Variants in DGKI observed in about 807,000 individuals in gnomAD.
DGKI encodes DAG kinase iota.
DGKI carries 55 observed loss-of-function variants against 147.5 expected under a neutral mutation model. The ratio of observed to expected loss-of-function variants is 0.37; its 90% CI spans 0.30 to 0.47. The LOEUF (loss-of-function observed/expected upper bound fraction) is 0.47. Among genes scored for constraint, DGKI ranks in the 20% least tolerant of loss-of-function variants. The probability of loss-of-function intolerance (pLI) is 1.00; values close to 1 mark genes in which losing one functional copy is unlikely to be tolerated. For synonymous variants in DGKI, 469 were observed against 477.1 expected (o/e 0.98, Z 0.22); for missense variants, 1,007 against 1,323.8 (o/e 0.76, Z 3.71).
chr7:137,492,009 G>A (rs1025065561), intron 21 of DGKI, among the ~76,000 whole-genome samples: 2 of 152,178 alleles, frequency 1.3e-5, no homozygotes, highest in African/African-American at 4.8e-5. Flanking sequence ...CCATGAAGCA[G>A]GGCAAAGCCA....
intron 8 of DGKI, among the ~76,000 whole-genome samples, chr7:137,617,754 C>T (rs1048366888): frequency 6.6e-6 from 1 of 151,866 alleles, no homozygotes; most frequent in Non-Finnish European, 1.5e-5. Flanking sequence ...TACTGTAATA[C>T]CGCAAGATGT....
At chr7:137,527,328 C>G (rs991418705) in intron 20 of DGKI, among the ~76,000 whole-genome samples, 2 of 152,080 alleles carry the variant, frequency 1.3e-5, no homozygotes, top group African/African-American at 4.8e-5. Flanking sequence ...ATAATAATAT[C>G]ATAGCTGAAG....
chr7:137,404,243 T>C (rs368600752), intron 30 of DGKI, among the ~76,000 whole-genome samples: 2 of 152,148 alleles, frequency 1.3e-5, no homozygotes, highest in African/African-American at 4.8e-5. Flanking sequence ...CAACTAAAGA[T>C]ATTAAAAAAC....
chr7:137,653,329 T>G (rs994651025), intron 5 of DGKI, among the ~76,000 whole-genome samples: 7 of 152,244 alleles, frequency 4.6e-5, no homozygotes, highest in African/African-American at 7.2e-5. Context: ...GAAAGTTGTC[T>G]CTATGCCTCC....
At chr7:137,484,128 T>C (rs972947573) in intron 23 of DGKI, among the ~76,000 whole-genome samples, 12 of 152,038 alleles carry the variant, frequency 7.9e-5, no homozygotes, top group South Asian at 6.2e-4. Context: ...TCTGGAAGTG[T>C]GGGATACGTT....
chr7:137,643,504 C>T (rs530206877), intron 6 of DGKI, among the ~76,000 whole-genome samples: 1 of 152,204 alleles, frequency 6.6e-6, no homozygotes, highest in Admixed American at 6.5e-5. Flanking sequence ...CCCACCCATC[C>T]CATAATTGTT....
intron 1 of DGKI, among the ~76,000 whole-genome samples, chr7:137,787,024 A>G (rs1477992080): frequency 6.6e-6 from 1 of 152,234 alleles, no homozygotes; most frequent in Non-Finnish European, 1.5e-5. Flanking sequence ...TAAAGATTAT[A>G]GAAGACAACA....
chr7:137,811,507 G>C (rs1325196929), intron 1 of DGKI, among the ~76,000 whole-genome samples: 2 of 151,880 alleles, frequency 1.3e-5, no homozygotes, highest in Non-Finnish European at 2.9e-5. Flanking sequence ...CCATTAGAAA[G>C]ACAGAGAATT....
intron 3 of DGKI, among the ~76,000 whole-genome samples, chr7:137,661,452 A>C (rs918940359): frequency 2.0e-5 from 3 of 152,092 alleles, no homozygotes; most frequent in Non-Finnish European, 4.4e-5. Context: ...CTGTGAGTGC[A>C]TAAGGGGGCA....
chr7:137,843,498 G>C (rs1329370775), intron 1 of DGKI: 2 of 911,508 alleles, frequency 2.2e-6, no homozygotes, highest in African/African-American at 3.6e-5. Flanking sequence ...GGGAAAAATG[G>C]TTCTCAAAAA....
intron 5 of DGKI, among the ~76,000 whole-genome samples, chr7:137,654,058 C>T (rs191645020): frequency 2.6e-5 from 4 of 152,338 alleles, no homozygotes; most frequent in African/African-American, 7.2e-5. Flanking sequence ...GCTGTCTCCT[C>T]TTGTCATACC....
intron 28 of DGKI, among the ~76,000 whole-genome samples, chr7:137,441,542 AAAAC>A (rs749377470): frequency 6.6e-6 from 1 of 152,200 alleles, no homozygotes; most frequent in Non-Finnish European, 1.5e-5. Context: ...CAAGGAAAAG[AAAAC>A]AAACAAGATA....
At chr7:137,548,010 A>G (rs143503880) in intron 20 of DGKI, among the ~76,000 whole-genome samples, 78 of 152,300 alleles carry the variant, frequency 5.1e-4, no homozygotes, top group African/African-American at 1.8e-3. Flanking sequence ...AACAAAGAGC[A>G]AAGAGAATGA....
rs1265471269 is a variant in DGKI at position 137,781,224 on chromosome 7, G to A, written c.401+65238C>T. 3.4e-4 allele frequency among the ~76,000 whole-genome samples: 51 copies of A among 152,162 alleles called. 1 individual carries two copies. The highest frequency in any genetic ancestry group is 3.3e-3 in the Admixed American group (51 of 15,274). On this transcript the variant is annotated intron_variant, in intron 1 of 32. Coordinates refer to ENST00000614521, the MANE Select transcript of DGKI (RefSeq NM_001321708.2). ...TACTCAAAAGGCATAGCAGAAATTA[G>A]CTGGAGGTGTGGCCAGGAGCCTAAG...
rs143989064 is a variant in DGKI at position 137,659,649 on chromosome 7, G to T, written c.607-3109C>A. ...AAAAGTCACTTAAAAGCATTCAGTA[G>T]GGGCCGGGAGCAGTGGCTCATGCCT... On this transcript the variant is annotated intron_variant, in intron 3 of 32. Transcript: ENST00000614521. 2.0e-3 allele frequency among the ~76,000 whole-genome samples: 311 copies of T among 152,304 alleles called. 1 individual carries two copies. Among genetic ancestry groups the T allele is most frequent in the African/African-American group, 6.9e-3 (288 of 41,582 alleles).
At chr7:137,828,854 AC>A (rs1271879847) in intron 1 of DGKI, among the ~76,000 whole-genome samples, 26 of 152,360 alleles carry the variant, frequency 1.7e-4, no homozygotes, top group African/African-American at 6.0e-4. Context: ...TATTTATTTA[AC>A]ATGATGGGAA....
Position 137,846,834 on chromosome 7 carries a change from A to C in DGKI, c.29T>G (p.Leu10Trp). ...TCCGCGCGCCGCTGGCAGGGGCAGCAAATGGCAGCCCCTTCCCGCAGCATC... is the reference window on the plus strand; with the variant it reads ...TCCGCGCGCCGCTGGCAGGGGCAGCCAATGGCAGCCCCTTCCCGCAGCATC... MDAAGRGCH[L>W]LPLPAARGPA... The change falls in exon 1 of 33, where the codon TTG becomes TGG. Residue 10 changes from leucine to tryptophan, a missense_variant. Physicochemically the swap from Leu to Trp is moderately conservative, Grantham distance 61. This residue lies in a region of DGKI where 137 missense variants were observed against 114.4 expected (regional missense o/e 1.20). Transcript: ENST00000614521. The surrounding 1 kb of genome is among the most constrained non-coding windows in gnomAD (Gnocchi z 4.0). 1 of 1,144,384 alleles carries C rather than the reference A, an allele frequency of 8.7e-7. No individual in the cohort carries two copies. The highest frequency in any genetic ancestry group is 1.1e-6 in the Non-Finnish European group (1 of 931,750). The allele number at this position is 1,144,384 out of a possible 1,614,324, so 70.9% of individuals were successfully genotyped here.
In DGKI at chr7:137,656,546, A is replaced by T. The variant is rs771942950; in HGVS notation, c.607-6T>A. 2 of 1,613,976 alleles carry T rather than the reference A, an allele frequency of 1.2e-6. No individual in the cohort carries two copies. Among genetic ancestry groups the T allele is most frequent in the Non-Finnish European group, 1.7e-6 (2 of 1,179,894 alleles). ...TTCCTCCTGAGAGCTGATTTCTACA[A>T]TATTCAATTCAAAAGACAAAAAAGA... On this transcript the variant is annotated splice_polypyrimidine_tract_variant and splice_region_variant and intron_variant, in intron 3 of 32. Coordinates refer to ENST00000614521, the MANE Select transcript of DGKI (RefSeq NM_001321708.2).
At chr7:137,730,690 G>T (rs932963825) in intron 1 of DGKI, among the ~76,000 whole-genome samples, 2 of 151,978 alleles carry the variant, frequency 1.3e-5, no homozygotes, top group Non-Finnish European at 2.9e-5. Context: ...AAACCAGCCA[G>T]ACAAGATAAT....
Sources: allele counts gnomAD v4.1 joint callset (sites outside exome capture counted in the v4.1 genomes callset), GRCh38; gene constraint gnomAD v4.1.1; regional missense constraint gnomAD v4.1.1; non-coding constraint Gnocchi (gnomAD v3.1); transcripts MANE v1.5; gene names NCBI Gene and HGNC (gene_info 2026-07-23, HGNC 2026-07-21).